OPCML: variants seen among roughly 807,000 people sequenced by gnomAD.
OPCML encodes opioid-binding protein/cell adhesion molecule.
Under a neutral mutation model 37.8 loss-of-function variants are expected in OPCML, and 13 were observed. The observed-to-expected ratio is 0.34, with a 90% CI of 0.22 to 0.55. The LOEUF is 0.55. Among genes scored for constraint, OPCML ranks in the 20% least tolerant of loss-of-function variants. The pLI is 0.91. For missense variants in OPCML, 341 were observed against 435.6 expected (o/e 0.78, Z 1.93); for synonymous variants, 176 against 168.8 (o/e 1.04, Z -0.33).
chr11:132,811,288 C>T (rs117250913), intron 2 of OPCML, among the ~76,000 whole-genome samples: 2,437 of 152,316 alleles, frequency 0.016, 27 homozygotes, highest in Middle Eastern at 0.027. Context: ...TATTAAATCC[C>T]TCTTACTTCT....
intron 1 of OPCML, among the ~76,000 whole-genome samples, chr11:133,001,974 G>A (rs1359836325): frequency 1.3e-5 from 2 of 152,150 alleles, no homozygotes; most frequent in African/African-American, 4.8e-5. Context: ...AGTGACAAGT[G>A]GCTGGAATTG....
chr11:132,422,015 G>A (rs971509169), intron 7 of OPCML, among the ~76,000 whole-genome samples: 7 of 151,636 alleles, frequency 4.6e-5, no homozygotes, highest in African/African-American at 1.2e-4. Flanking sequence ...GATTCATAAG[G>A]CCCATATGTT....
At chr11:132,523,406 C>T (rs1480431092) in intron 4 of OPCML, among the ~76,000 whole-genome samples, 3 of 138,362 alleles carry the variant, frequency 2.2e-5, no homozygotes, top group Non-Finnish European at 5.0e-5. Context: ...CCATTGATCA[C>T]ATTCCTGAAA....
rs941368669 is a variant in OPCML, at chr11:133,410,787, C to T, written c.61+121477G>A. On this transcript the variant is annotated intron_variant, in intron 1 of 7. Transcript: ENST00000524381. Reference sequence around the variant, plus strand: ...TTTAAAATAAACCTCTAAAGCAGAACGGCATCACTTGACGACATGTTGTAC... The same window carrying T: ...TTTAAAATAAACCTCTAAAGCAGAATGGCATCACTTGACGACATGTTGTAC... Among the ~76,000 whole-genome samples, 71 of 151,764 alleles carry T rather than the reference C, an allele frequency of 4.7e-4. 1 individual carries two copies. The highest frequency in any genetic ancestry group is 1.1e-3 in the African/African-American group (46 of 41,410).
At chr11:133,194,350 AC>A (rs1938451278) in intron 1 of OPCML, among the ~76,000 whole-genome samples, 2 of 151,852 alleles carry the variant, frequency 1.3e-5, no homozygotes, top group South Asian at 4.2e-4. Context: ...AGCTGGGATT[AC>A]AAGCATGCAC....
intron 1 of OPCML, among the ~76,000 whole-genome samples, chr11:133,477,173 G>A (rs909095115): frequency 2.0e-5 from 3 of 152,078 alleles, no homozygotes; most frequent in African/African-American, 4.8e-5. Context: ...TTCCCCCCAC[G>A]TTTTTCTGTT....
intron 1 of OPCML, among the ~76,000 whole-genome samples, chr11:133,226,164 C>T (rs775788670): frequency 6.6e-5 from 10 of 152,236 alleles, no homozygotes; most frequent in Non-Finnish European, 1.5e-4. Flanking sequence ...TCTTCCAGTG[C>T]TATGATTCCT....
At chr11:132,485,486 T>C (rs1327220378) in intron 4 of OPCML, among the ~76,000 whole-genome samples, 1 of 152,176 alleles carries the variant, frequency 6.6e-6, no homozygotes, top group Non-Finnish European at 1.5e-5. Flanking sequence ...AGTTAAGAAA[T>C]AGCATGTTTC....
At chr11:133,401,281 T>C (rs761255968) in intron 1 of OPCML, among the ~76,000 whole-genome samples, 11 of 152,096 alleles carry the variant, frequency 7.2e-5, no homozygotes, top group Non-Finnish European at 1.6e-4. Context: ...CAGACCACTA[T>C]AAAGAGATAG....
rs116723358 is a variant in OPCML at position 133,479,146 on chromosome 11, T to C, written c.61+53118A>G. On this transcript the variant is annotated intron_variant, in intron 1 of 7. Transcript: ENST00000524381. ...CTGCAAATCTGTGTTTCTCAGTTGG[T>C]CCATGAGCTGCCTGCAGCTGAACCT... Among the ~76,000 whole-genome samples the C allele has an allele frequency of 5.4e-3, 827 of 152,322 alleles. 10 individuals carry two copies. Among genetic ancestry groups the C allele is most frequent in the African/African-American group, 0.019 (771 of 41,578 alleles).
intron 2 of OPCML, among the ~76,000 whole-genome samples, chr11:132,705,146 T>C (rs1423977851): frequency 6.6e-6 from 1 of 152,172 alleles, no homozygotes; most frequent in Non-Finnish European, 1.5e-5. Flanking sequence ...CACCCAAATA[T>C]CTATTGAAAT....
chr11:132,793,429 G>A (rs1439098407), intron 2 of OPCML, among the ~76,000 whole-genome samples: 1 of 152,178 alleles, frequency 6.6e-6, no homozygotes, highest in Non-Finnish European at 1.5e-5. Flanking sequence ...AGCGGTTGCA[G>A]GGCAGGAACC....
intron 1 of OPCML, among the ~76,000 whole-genome samples, chr11:133,368,929 T>G: frequency 6.6e-6 from 1 of 152,236 alleles, no homozygotes; most frequent in Admixed American, 6.5e-5. Flanking sequence ...CTGTGTCTGA[T>G]AAACATAGCT....
chr11:133,223,431 T>C (rs1355638933), intron 1 of OPCML, among the ~76,000 whole-genome samples: 1 of 152,194 alleles, frequency 6.6e-6, no homozygotes, highest in African/African-American at 2.4e-5. Context: ...TTTTCTTGTT[T>C]CTTTTTCCTG....
At chr11:133,300,247 G>T (rs955832244) in intron 1 of OPCML, 1 of 152,158 alleles carries the variant, frequency 6.6e-6, no homozygotes, top group Non-Finnish European at 1.5e-5. Context: ...AAATAAAGTA[G>T]AAAAATGAGA....
chr11:133,508,387 T>C (rs953004131), intron 1 of OPCML, among the ~76,000 whole-genome samples: 3 of 152,218 alleles, frequency 2.0e-5, no homozygotes, highest in Non-Finnish European at 2.9e-5. Context: ...TGGATGTCAA[T>C]GTCTTCTTTC....
chr11:132,619,779 G>A (rs1215533835), intron 3 of OPCML, among the ~76,000 whole-genome samples: 2 of 149,618 alleles, frequency 1.3e-5, no homozygotes, highest in Non-Finnish European at 3.0e-5. Flanking sequence ...ATGAACCCGG[G>A]AGGCGGAGCT....
At chr11:132,971,658 A>C (rs544107637) in intron 1 of OPCML, among the ~76,000 whole-genome samples, 22 of 152,300 alleles carry the variant, frequency 1.4e-4, no homozygotes, top group African/African-American at 5.3e-4. Flanking sequence ...CAGTAAGTGA[A>C]GTGTGAAGAC....
chr11:133,459,677 C>T (rs1447489911), intron 1 of OPCML, among the ~76,000 whole-genome samples: 1 of 151,948 alleles, frequency 6.6e-6, no homozygotes, highest in Admixed American at 6.6e-5. Flanking sequence ...AATTTGCCAA[C>T]AACTATAAGC....
Sources: allele counts gnomAD v4.1 joint callset (sites outside exome capture counted in the v4.1 genomes callset), GRCh38; gene constraint gnomAD v4.1.1; transcripts MANE v1.5; gene names NCBI Gene and HGNC (gene_info 2026-07-23, HGNC 2026-07-21).